Variants in ABCC11 observed in about 807,000 individuals in gnomAD.
The protein encoded by ABCC11 is ATP-binding cassette sub-family C member 11.
In ABCC11, 135 loss-of-function variants were observed where a neutral mutation model predicts 149.3. That is an observed-to-expected ratio of 0.90 (90% CI 0.79 to 1.04). The LOEUF (loss-of-function observed/expected upper bound fraction) is 1.04. Among genes scored for constraint, ABCC11 ranks in the 50% least tolerant of loss-of-function variants. ABCC11 has a pLI of 0.00. For missense variants in ABCC11, 1,680 were observed against 1,722.1 expected, an observed-to-expected ratio of 0.98 and a Z score of 0.43; for synonymous variants, 665 against 671.4, an observed-to-expected ratio of 0.99 and a Z score of 0.15.
intron 14 of ABCC11, among the ~76,000 whole-genome samples, chr16:48,202,220 T>C (rs745731902): frequency 2.2e-4 from 33 of 152,240 alleles, no homozygotes; most frequent in Non-Finnish European, 3.8e-4. Flanking sequence ...ATTTATGCCA[T>C]TTTACAGATG....
At chr16:48,246,421 C>A (rs553221024) in intron 1 of ABCC11, among the ~76,000 whole-genome samples, 2 of 152,312 alleles carry the variant, frequency 1.3e-5, no homozygotes, top group East Asian at 3.9e-4. Flanking sequence ...CAAGAGTGGT[C>A]ATTATTAGAC....
chr16:48,176,594 C>T (rs558566049), intron 25 of ABCC11, among the ~76,000 whole-genome samples: 1 of 152,302 alleles, frequency 6.6e-6, no homozygotes, highest in East Asian at 1.9e-4. Flanking sequence ...TCAGCTTAAG[C>T]ACTGGGCTCA....
intron 14 of ABCC11, among the ~76,000 whole-genome samples, chr16:48,201,542 G>C (rs1596748396): frequency 6.7e-6 from 1 of 148,858 alleles, no homozygotes; most frequent in Non-Finnish European, 1.5e-5. Flanking sequence ...AAACTCCTGG[G>C]CTCAAGCAAT....
rs200694154 is a variant in ABCC11 at position 48,178,669 on chromosome 16, C to T, written c.3276G>A (p.Gln1092=). ...TCTCCAAGCCAATCCGGGCAGTGGC[C>T]TGGAAGCTGGACGCCAGCTAGAAGG... ...NIVLQLASSF[Q]ATARIGLETE... is the part of the protein sequence containing the mutation. The change falls in exon 24 of 30, where the codon CAG becomes CAA. Residue 1092 remains glutamine (Q), a synonymous_variant. Coordinates refer to ENST00000356608, the MANE Select transcript of ABCC11 (RefSeq NM_001370497.1). The T allele has an allele frequency of 2.5e-6, 4 of 1,614,166 alleles. No individual in the cohort carries two copies. The highest frequency in any genetic ancestry group is 2.5e-6 in the Non-Finnish European group (3 of 1,180,044).
intron 6 of ABCC11, among the ~76,000 whole-genome samples, chr16:48,217,067 A>G (rs990493057): frequency 3.3e-5 from 5 of 152,224 alleles, no homozygotes; most frequent in Non-Finnish European, 5.9e-5. Context: ...TTGTGAGCCA[A>G]TTTGCAATAA....
rs1355077677 is a variant in ABCC11, at chr16:48,222,796, T to C, written c.579A>G (p.Glu193=). 3.1e-6 allele frequency: 5 copies of C among 1,614,140 alleles called. No homozygotes were observed. The highest frequency in any genetic ancestry group is 4.2e-6 in the Non-Finnish European group (5 of 1,179,956). ...CATGGACAACATTCCCCAACTGCTC[T>C]TCTGAATATTCCAGGATCTTTGGTA... ...LIIPKILEYS[E]EQLGNVVHGV... The change falls in exon 6 of 30, where the codon GAA becomes GAG. Residue 193 remains glutamate (E), a synonymous_variant. Coordinates refer to ENST00000356608, the MANE Select transcript of ABCC11 (RefSeq NM_001370497.1).
intron 14 of ABCC11, among the ~76,000 whole-genome samples, chr16:48,202,215 T>C (rs939450716): frequency 6.6e-6 from 1 of 152,262 alleles, no homozygotes; most frequent in Non-Finnish European, 1.5e-5. Flanking sequence ...CTCTTATTTA[T>C]GCCATTTTAC....
rs1328932485 is a variant in ABCC11 at position 48,227,814 on chromosome 16, A to T, written c.387T>A (p.Asn129Lys). The T allele has an allele frequency of 2.5e-6, 4 of 1,612,908 alleles. No homozygotes were observed. The highest frequency in any genetic ancestry group is 2.2e-5 in the East Asian group (1 of 44,748). The stretch of plus-strand genomic sequence containing the variant: ...GCCCAGCGCAGCTTCACCTTTGGAC[A>T]TTTTTGTCTGAGGCATCATGGACTG... ...PLSVHDASDK[N>K]VQRLHRLWEE... Residue 129 changes from asparagine to lysine, a missense_variant, in exon 4 of 30, where the codon AAT becomes AAA. Asn to Lys is a moderately conservative substitution (Grantham distance 94). Transcript: ENST00000356608.
chr16:48,214,828 T>A, intron 9 of ABCC11, 53 bp downstream of exon 9: 1 of 1,605,982 alleles, frequency 6.2e-7, no homozygotes, highest in Non-Finnish European at 8.5e-7. Flanking sequence ...AAAGGACACG[T>A]GAGAAAATTC....
chr16:48,220,148 A>G (rs958381483), intron 6 of ABCC11, among the ~76,000 whole-genome samples: 1 of 152,186 alleles, frequency 6.6e-6, no homozygotes, highest in Non-Finnish European at 1.5e-5. Flanking sequence ...AGGTGCTCAG[A>G]ATATACAGAA....
At position 48,170,961 on chromosome 16, in the gene ABCC11, G is replaced by A. The variant is rs374119741; in HGVS notation, c.3705C>T (p.Asn1235=). 11 of 1,612,302 alleles carry A rather than the reference G, an allele frequency of 6.8e-6. No individual in the cohort carries two copies. Among genetic ancestry groups the A allele is most frequent in the African/African-American group, 4.0e-5 (3 of 74,872 alleles). The change falls in exon 27 of 30, where the codon AAC becomes AAT. Residue 1235 remains asparagine, a synonymous_variant. Coordinates refer to ENST00000356608, the MANE Select transcript of ABCC11 (RefSeq NM_001370497.1). ...PVLLSGTIRF[N]LDPFDRHTDQ... ...CAGTGTGACGGTCAAAGGGATCTAG[G>A]TTGAATCTACCATATGAGAGAAAGA...
chr16:48,241,117 A>G (rs531555998), intron 1 of ABCC11, among the ~76,000 whole-genome samples: 2 of 152,028 alleles, frequency 1.3e-5, no homozygotes, highest in Non-Finnish European at 2.9e-5. Context: ...TGTATTTTTA[A>G]TAGAAACGGG....
intron 19 of ABCC11, 55 bp from the exon 20 acceptor site, chr16:48,192,772 A>T (rs1416286637): frequency 6.4e-7 from 1 of 1,573,014 alleles, no homozygotes; most frequent in Non-Finnish European, 8.7e-7. Context: ...ATTCAGTGGC[A>T]GGGAAAGCCT....
intron 6 of ABCC11, among the ~76,000 whole-genome samples, chr16:48,220,041 C>T (rs566930120): frequency 1.3e-5 from 2 of 151,592 alleles, no homozygotes; most frequent in Admixed American, 6.6e-5. Context: ...CCTAGAAATC[C>T]TTACTTCAGA....
intron 14 of ABCC11, among the ~76,000 whole-genome samples, chr16:48,202,884 C>G (rs1200861079): frequency 6.6e-6 from 1 of 152,048 alleles, no homozygotes; most frequent in Non-Finnish European, 1.5e-5. Flanking sequence ...CAGAAATTTC[C>G]CCTGAGGGTC....
intron 15 of ABCC11, 70 bp from the exon 16 acceptor site, chr16:48,198,345 G>A: frequency 6.8e-7 from 1 of 1,474,612 alleles, no homozygotes; most frequent in Non-Finnish European, 9.4e-7. Flanking sequence ...TATTCACCAG[G>A]AAAATGTAAA....
At chr16:48,247,062 G>C (rs1356821525) in intron 1 of ABCC11, among the ~76,000 whole-genome samples, 2 of 152,308 alleles carry the variant, frequency 1.3e-5, no homozygotes, top group African/African-American at 2.4e-5. Flanking sequence ...AGTCTTCATA[G>C]AAGTCCGGCA....
In ABCC11 at chr16:48,184,565, A is replaced by C. The variant is rs751541356; in HGVS notation, c.3133T>G (p.Trp1045Gly). The C allele has an allele frequency of 8.1e-6, 13 of 1,614,148 alleles. No individual in the cohort carries two copies. The Admixed American group carries it at 1.8e-4, about 23-fold the overall frequency. The change falls in exon 23 of 30, where the codon TGG becomes GGG. Residue 1045 changes from tryptophan (W) to glycine (G), a missense_variant. Coordinates refer to ENST00000356608, the MANE Select transcript of ABCC11 (RefSeq NM_001370497.1). ...ATGATCTCCAGCCTCAATGCCATCC[A>C]TCGTGTGGAAGATAGAAACAACAGC... ...YLLLFLSSTRWMALRLEIMTN... is the reference protein window; with the variant it reads ...YLLLFLSSTRGMALRLEIMTN...
chr16:48,197,759 C>A (rs1487504389), intron 17 of ABCC11, among the ~76,000 whole-genome samples: 2 of 152,204 alleles, frequency 1.3e-5, no homozygotes, highest in Non-Finnish European at 2.9e-5. Context: ...CCCCCCACAA[C>A]ACTCACTTCC....
Sources: allele counts gnomAD v4.1 joint callset (sites outside exome capture counted in the v4.1 genomes callset), GRCh38; gene constraint gnomAD v4.1.1; transcripts MANE v1.5; gene names NCBI Gene and HGNC (gene_info 2026-07-23, HGNC 2026-07-21).